PRKCA: variants seen among roughly 807,000 people sequenced by gnomAD.
PRKCA encodes the protein protein kinase C alpha type.
Under a neutral mutation model 87.0 loss-of-function variants are expected in PRKCA, and 27 were observed. That is an observed-to-expected ratio of 0.31 (90% CI 0.23 to 0.43). The LOEUF is 0.43. Ranked by LOEUF, PRKCA falls within the 20% of genes least tolerant of loss-of-function variation. The pLI, the probability that PRKCA is intolerant of heterozygous loss-of-function variation, is 1.00. For missense variants in PRKCA, 518 were observed against 852.3 expected (o/e 0.61, Z 4.88); for synonymous variants, 329 against 311.1 (o/e 1.06, Z -0.61).
chr17:66,444,229 G>T (rs1016461018), intron 2 of PRKCA, among the ~76,000 whole-genome samples: 1 of 152,162 alleles, frequency 6.6e-6, no homozygotes, highest in African/African-American at 2.4e-5. Context: ...GGCTCTACAG[G>T]TTCTGAATAA....
chr17:66,664,225 C>G (rs1311513071), intron 5 of PRKCA, among the ~76,000 whole-genome samples: 1 of 152,060 alleles, frequency 6.6e-6, no homozygotes, highest in Non-Finnish European at 1.5e-5. Flanking sequence ...GATGGCAGAG[C>G]CTCCGCTTTG....
intron 2 of PRKCA, among the ~76,000 whole-genome samples, chr17:66,407,805 C>T (rs1003116667): frequency 2.6e-5 from 4 of 152,024 alleles, no homozygotes; most frequent in African/African-American, 4.8e-5. Flanking sequence ...CAGAATTTTA[C>T]GATTTTCTAA....
At chr17:66,535,914 C>T (rs1348109880) in intron 3 of PRKCA, among the ~76,000 whole-genome samples, 1 of 152,148 alleles carries the variant, frequency 6.6e-6, no homozygotes, top group Non-Finnish European at 1.5e-5. Context: ...AAACTTACAT[C>T]AAAACAGCAT....
intron 8 of PRKCA, 136 bp from the exon 9 acceptor site, chr17:66,732,552 A>G (rs1973928717): frequency 3.7e-6 from 4 of 1,083,038 alleles, no homozygotes; most frequent in Admixed American, 2.0e-5. Context: ...CAGGTACTCA[A>G]TTCTCACCCT....
rs867890925 is a variant in PRKCA at position 66,788,905 on chromosome 17, C to A, written c.1780C>A (p.His594Asn). ...TGAGGGGGAGAGGGACGTGAGAGAG[C>A]ATGCCTTCTTCCGGAGGATCGACTG... is the stretch of plus-strand genomic sequence containing the variant. ...GPEGERDVRE[H>N]AFFRRIDWEK... is the part of the protein sequence containing the mutation. The change falls in exon 16 of 17, where the codon CAT becomes AAT. Residue 594 changes from histidine to asparagine, a missense_variant. Physicochemically the swap from His to Asn is moderately conservative, Grantham distance 68. Transcript: ENST00000413366. The A allele has an allele frequency of 6.2e-7, 1 of 1,614,100 alleles. No homozygotes were observed. The highest frequency in any genetic ancestry group is 1.7e-5 in the Admixed American group (1 of 60,006).
chr17:66,589,148 A>G (rs1158925620), intron 3 of PRKCA, among the ~76,000 whole-genome samples: 1 of 152,148 alleles, frequency 6.6e-6, no homozygotes, highest in East Asian at 1.9e-4. Context: ...GACTTAGACT[A>G]GCTTCTTGAC....
At chr17:66,473,195 G>T (rs1299127662) in intron 2 of PRKCA, among the ~76,000 whole-genome samples, 2 of 152,022 alleles carry the variant, frequency 1.3e-5, no homozygotes. Context: ...CTTTGACCTA[G>T]ACTTTGGGTC....
intron 14 of PRKCA, among the ~76,000 whole-genome samples, chr17:66,781,347 T>C (rs2144358759): frequency 6.6e-6 from 1 of 152,278 alleles, no homozygotes; most frequent in Non-Finnish European, 1.5e-5. Flanking sequence ...GCAGAGCTGC[T>C]GCTCCAGCCT....
chr17:66,529,764 C>T (rs1046752756), intron 3 of PRKCA, among the ~76,000 whole-genome samples: 7 of 152,136 alleles, frequency 4.6e-5, no homozygotes, highest in African/African-American at 7.2e-5. Flanking sequence ...TTTATGAGTC[C>T]TCGTGCTAAG....
At chr17:66,488,085 G>C (rs1389064383) in intron 2 of PRKCA, among the ~76,000 whole-genome samples, 2 of 152,054 alleles carry the variant, frequency 1.3e-5, no homozygotes, top group Non-Finnish European at 2.9e-5. Context: ...TCCTCTTTGA[G>C]CTCGTATAAT....
At chr17:66,345,022 G>A (rs951794638) in intron 2 of PRKCA, among the ~76,000 whole-genome samples, 3 of 152,112 alleles carry the variant, frequency 2.0e-5, no homozygotes, top group Non-Finnish European at 4.4e-5. Context: ...TTTATGTAAT[G>A]CCCCTGCATA....
At chr17:66,447,656 G>C (rs141444897) in intron 2 of PRKCA, among the ~76,000 whole-genome samples, 1 of 152,344 alleles carries the variant, frequency 6.6e-6, no homozygotes, top group East Asian at 1.9e-4. Flanking sequence ...CCTAGACTCA[G>C]TGTGACCATC....
At chr17:66,480,250 A>C (rs1915720482) in intron 2 of PRKCA, among the ~76,000 whole-genome samples, 1 of 152,086 alleles carries the variant, frequency 6.6e-6, no homozygotes, top group African/African-American at 2.4e-5. Context: ...ACCCATGGGC[A>C]TTAGAATCCC....
chr17:66,354,303 GA>G lies in PRKCA; in HGVS notation c.205+48177del, dbSNP rs201228941. Among the ~76,000 whole-genome samples the G allele has an allele frequency of 1.4e-3, 215 of 152,296 alleles. 3 individuals are homozygous for G. In the East Asian group the frequency reaches 0.031, roughly 22 times the overall value. ...TCATGTACATTTAGGGTTCTTACCA[GA>G]CAGAATAATTAAATACATGCAGCTC... On this transcript the variant is annotated intron_variant, in intron 2 of 16. Transcript: ENST00000413366.
At chr17:66,645,629 G>A (rs1406097496) in intron 5 of PRKCA, 118 bp downstream of exon 5, 10 of 1,424,158 alleles carry the variant, frequency 7.0e-6, no homozygotes, top group East Asian at 6.9e-5. Flanking sequence ...AGAGGCAGTC[G>A]CCCTGGTGGA....
intron 3 of PRKCA, among the ~76,000 whole-genome samples, chr17:66,571,712 G>A (rs1353116647): frequency 6.6e-6 from 1 of 152,148 alleles, no homozygotes; most frequent in Admixed American, 6.5e-5. Flanking sequence ...TTGTTTGACG[G>A]TAGACATATA....
intron 2 of PRKCA, among the ~76,000 whole-genome samples, chr17:66,327,055 T>C (rs552665574): frequency 6.6e-6 from 1 of 151,934 alleles, no homozygotes; most frequent in Non-Finnish European, 1.5e-5. Flanking sequence ...AGTGACCAAG[T>C]GATACCCTGT....
intron 3 of PRKCA, among the ~76,000 whole-genome samples, chr17:66,510,992 C>T (rs1917202348): frequency 6.6e-6 from 1 of 152,046 alleles, no homozygotes; most frequent in Admixed American, 6.6e-5. Context: ...GGTGATCTGC[C>T]CACCCCTGCT....
At chr17:66,708,131 C>T (rs574075648) in intron 8 of PRKCA, among the ~76,000 whole-genome samples, 2 of 152,310 alleles carry the variant, frequency 1.3e-5, no homozygotes, top group East Asian at 3.9e-4. Context: ...GGTGGCACTT[C>T]CCAGTTCATC....
Sources: gnomAD v4.1 joint callset for allele counts (sites outside exome capture counted in the v4.1 genomes callset) on GRCh38, gnomAD v4.1.1 for gene constraint, MANE v1.5 for transcripts, NCBI Gene and HGNC (gene_info 2026-07-23, HGNC 2026-07-21) for gene names.